The following SYNJ1 variants were observed in gnomAD, a reference collection of about 807,000 sequenced individuals.
The protein encoded by SYNJ1 is synaptojanin 1, also known as polyphosphatidylinositol phosphatase SYNJ1.
SYNJ1 carries 78 observed loss-of-function variants against 168.2 expected under a neutral mutation model. The ratio of observed to expected loss-of-function variants is 0.46; its 90% CI spans 0.39 to 0.56. The LOEUF is 0.56. SYNJ1 is among the 20% of genes least tolerant of loss of function. The pLI is 0.00. For missense variants in SYNJ1, 1,303 were observed against 1,597.6 expected, an observed-to-expected ratio of 0.82 and a Z score of 3.14; for synonymous variants, 539 against 548.6, an observed-to-expected ratio of 0.98 and a Z score of 0.24.
intron 17 of SYNJ1, among the ~76,000 whole-genome samples, 175 bp from the exon 18 acceptor site, chr21:32,665,246 C>T (rs1183496649): frequency 6.6e-6 from 1 of 152,126 alleles, no homozygotes; most frequent in Non-Finnish European, 1.5e-5. Flanking sequence ...TCACTAAGCC[C>T]AGAGAAAAAT....
Position 32,727,039 on chromosome 21 carries a change from A to G in SYNJ1, c.-22-122T>C, listed in dbSNP as rs558797469. On this transcript the variant is annotated intron_variant, in intron 1 of 32. Transcript: ENST00000674351. ...ATGGGGGGTTGGGGTGGGAAAAAAC[A>G]GACAGCTCTGGGAGAAAATGGCTTT... The G allele has an allele frequency of 1.0e-5, 14 of 1,345,784 alleles. No homozygotes were observed. The African/African-American group carries it at 1.8e-4, about 17-fold the overall frequency. 83.4% of individuals were successfully genotyped at this position (1,345,784 alleles called of 1,614,324 possible). A position where few individuals can be genotyped will look rare whatever the true frequency, so the allele number is the denominator to read the frequency against.
Position 32,695,136 on chromosome 21 carries a change from C to T in SYNJ1, c.626G>A (p.Cys209Tyr), listed in dbSNP as rs369586279. Residue 209 changes from cysteine to tyrosine, a missense_variant, in exon 5 of 33, where the codon TGT becomes TAT. Coordinates refer to ENST00000674351, the MANE Select transcript of SYNJ1 (RefSeq NM_203446.3). ...ATTAAACCTGGTCCCAGCTCGTTCA[C>T]AGCTTAATCTTGAAATGAGGCAAGC... The part of the protein sequence containing the change: ...AKACLISRLS[C>Y]ERAGTRFNVR... The T allele has an allele frequency of 1.9e-6, 3 of 1,614,010 alleles. No individual in the cohort carries two copies. Among genetic ancestry groups the T allele is most frequent in the East Asian group, 4.5e-5 (2 of 44,878 alleles).
rs779612281 is a variant in SYNJ1 at position 32,665,899 on chromosome 21, A to G, written c.2145+44T>C. ...TGTAGAATTTGGGGCAAATTAAAAT[A>G]TATTTCAAAGCTTTATCTTCAAGAA... On this transcript the variant is annotated intron_variant, in intron 17 of 32. Transcript: ENST00000674351. 4 of 1,511,922 alleles carry G rather than the reference A, an allele frequency of 2.6e-6. No homozygotes were observed. In the African/African-American group the frequency reaches 4.2e-5, roughly 16 times the overall value. 93.7% of individuals were successfully genotyped at this position (1,511,922 alleles called of 1,614,324 possible).
At chr21:32,701,933 G>A (rs1236482569) in intron 3 of SYNJ1, 28 bp downstream of exon 3, 1 of 1,454,422 alleles carries the variant, frequency 6.9e-7, no homozygotes, top group Non-Finnish European at 9.3e-7. Context: ...TGAAAAAATG[G>A]ATGAATTCTA....
At chr21:32,688,449 ATTTCT>A in intron 6 of SYNJ1, 82 bp from the exon 7 acceptor site, 1 of 1,153,186 alleles carries the variant, frequency 8.7e-7, no homozygotes, top group Non-Finnish European at 1.2e-6. Context: ...ATATCTAACA[ATTTCT>A]TTGCTGAACA....
intron 18 of SYNJ1, among the ~76,000 whole-genome samples, chr21:32,663,161 G>A (rs141632820): frequency 2.0e-3 from 310 of 152,242 alleles, no homozygotes; most frequent in African/African-American, 7.1e-3. Context: ...CGAGAAGCCC[G>A]AGAATTAGTA....
intron 15 of SYNJ1, among the ~76,000 whole-genome samples, chr21:32,667,309 A>C (rs1387814156): frequency 6.6e-6 from 1 of 152,198 alleles, no homozygotes; most frequent in Non-Finnish European, 1.5e-5. Context: ...TCTTTTTAAA[A>C]AATCTTGCTA....
chr21:32,674,415 A>G (rs1482669984), intron 13 of SYNJ1, among the ~76,000 whole-genome samples: 1 of 152,148 alleles, frequency 6.6e-6, no homozygotes, highest in Admixed American at 6.5e-5. Context: ...AGCATTTATC[A>G]CATTTATAAA....
At chr21:32,651,971 T>G (rs2040286343) in intron 22 of SYNJ1, among the ~76,000 whole-genome samples, 1 of 152,222 alleles carries the variant, frequency 6.6e-6, no homozygotes, top group Non-Finnish European at 1.5e-5. Flanking sequence ...ATATCCCATT[T>G]GTGTTAATGT....
chr21:32,643,425 T>C lies in SYNJ1; in HGVS notation c.3463A>G (p.Arg1155Gly), dbSNP rs774571965. The C allele has an allele frequency of 5.0e-6, 8 of 1,613,744 alleles. No individual in the cohort carries two copies. The East Asian group carries it at 1.6e-4, about 31-fold the overall frequency. The change falls in exon 27 of 33, where the codon AGG (arginine) becomes GGG (glycine). Residue 1155 changes from arginine to glycine, a missense_variant. This residue lies in a region of SYNJ1 where 383 missense variants were observed against 388.8 expected (regional missense o/e 0.99). Coordinates refer to ENST00000674351, the MANE Select transcript of SYNJ1 (RefSeq NM_203446.3). ...IGAPPSPGVARREMEAPKSPG... is the reference protein window; with the variant it reads ...IGAPPSPGVAGREMEAPKSPG... ...GTCTTGTTACCTTCCATCTCTCTCC[T>C]AGCTACCCCAGGACTGGGAGGGGCT...
chr21:32,714,234 G>A (rs1207889577), intron 2 of SYNJ1, among the ~76,000 whole-genome samples: 1 of 152,158 alleles, frequency 6.6e-6, no homozygotes. Context: ...AAACCAAGAG[G>A]TAAAGTGGTA....
chr21:32,694,040 TA>T (rs1390848348), intron 6 of SYNJ1, among the ~76,000 whole-genome samples, 187 bp downstream of exon 6: 1 of 152,244 alleles, frequency 6.6e-6, no homozygotes, highest in African/African-American at 2.4e-5. Flanking sequence ...GAAAGAGCAT[TA>T]AAAGAAAAAA....
Position 32,678,571 on chromosome 21 carries a change from G to A in SYNJ1, c.1510+74C>T, listed in dbSNP as rs554177645. On this transcript the variant is annotated intron_variant, in intron 12 of 32. Coordinates refer to ENST00000674351, the MANE Select transcript of SYNJ1 (RefSeq NM_203446.3). ...ACTATTTTAACCAACTAAAAATTCT[G>A]TGTAAATAAGTTTACATTTACCTCT... 47 of 1,420,660 alleles carry A rather than the reference G, an allele frequency of 3.3e-5. No homozygotes were observed. The South Asian group carries it at 5.4e-4, about 16-fold the overall frequency. The allele number at this position is 1,420,660 out of a possible 1,614,324, so 88.0% of individuals were successfully genotyped here.
At chr21:32,722,202 A>AT (rs1569138941) in intron 2 of SYNJ1, among the ~76,000 whole-genome samples, 109 of 94,450 alleles carry the variant, frequency 1.2e-3, no homozygotes, top group Non-Finnish European at 1.6e-3. Context: ...AAAAAAAAAA[A>AT]AAAATATATA....
At chr21:32,683,695 A>C (rs2041713265) in intron 10 of SYNJ1, among the ~76,000 whole-genome samples, 1 of 152,084 alleles carries the variant, frequency 6.6e-6, no homozygotes, top group African/African-American at 2.4e-5. Flanking sequence ...AACACAGAGA[A>C]TAAAAGGCCA....
rs545358697 is a variant in SYNJ1, at chr21:32,628,895, A to G, written c.*2910T>C. ...ATAAATATTGTATGCCACATAAGCA[A>G]TAAAATTCTTACATATAAACAGCAA... is the stretch of plus-strand genomic sequence containing the variant. On this transcript the variant is annotated 3_prime_UTR_variant, in exon 33 of 33. Transcript: ENST00000674351. 3 of 152,814 alleles carry G rather than the reference A, an allele frequency of 2.0e-5. No individual in the cohort carries two copies. The East Asian group carries it at 5.8e-4, about 29-fold the overall frequency. The allele number at this position is 152,814 out of a possible 1,614,324, so 9.5% of individuals were successfully genotyped here.
chr21:32,692,468 C>T (rs1026043887), intron 6 of SYNJ1, among the ~76,000 whole-genome samples: 2 of 151,982 alleles, frequency 1.3e-5, no homozygotes, highest in African/African-American at 4.8e-5. Context: ...TCCCAGCTCT[C>T]GGGAGGCTGA....
intron 17 of SYNJ1, 87 bp downstream of exon 17, chr21:32,665,856 A>G (rs1389908208): frequency 7.4e-7 from 1 of 1,351,130 alleles, no homozygotes; most frequent in Non-Finnish European, 9.9e-7. Flanking sequence ...AACTATCTTA[A>G]ATTTCCAAAA....
chr21:32,702,884 G>T (rs1029174258), intron 2 of SYNJ1, among the ~76,000 whole-genome samples: 1 of 152,186 alleles, frequency 6.6e-6, no homozygotes, highest in Admixed American at 6.5e-5. Flanking sequence ...ACACTGACGT[G>T]TTCCACGTTA....
Sources: gnomAD v4.1 joint callset for allele counts (sites outside exome capture counted in the v4.1 genomes callset) on GRCh38, gnomAD v4.1.1 for gene constraint, gnomAD v4.1.1 regional missense constraint, MANE v1.5 for transcripts, NCBI Gene and HGNC (gene_info 2026-07-23, HGNC 2026-07-21) for gene names.